LDB3: variants seen among roughly 807,000 people sequenced by gnomAD.
The protein encoded by LDB3 is LIM domain binding 3, also known as LIM domain-binding protein 3.
A neutral mutation model predicts 69.0 loss-of-function variants in LDB3; 49 were observed. The observed-to-expected ratio is 0.71, with a 90% CI of 0.56 to 0.90. The LOEUF is 0.90. Among genes scored for constraint, LDB3 ranks in the 40% least tolerant of loss-of-function variants. The probability of loss-of-function intolerance (pLI) is 0.00; values close to 1 mark genes in which losing one functional copy is unlikely to be tolerated. For missense variants in LDB3, 928 were observed against 974.1 expected (o/e 0.95, Z 0.63); for synonymous variants, 387 against 396.2 (o/e 0.98, Z 0.28).
intron 7 of LDB3, among the ~76,000 whole-genome samples, chr10:86,700,964 G>T (rs12267313): frequency 2.0e-5 from 3 of 152,240 alleles, no homozygotes; most frequent in Non-Finnish European, 1.5e-5. Context: ...GCTAGCCAGA[G>T]CTCTGCGCCC....
chr10:86,718,293 A>G lies in LDB3; in HGVS notation c.1857+149A>G. The stretch of plus-strand genomic sequence containing the variant: ...CTAAAAGGGAATTGGTTTGCCACCA[A>G]TAAACTTGGGGATAAATGAACTTGA... On this transcript the variant is annotated intron_variant, in intron 11 of 13. Coordinates refer to ENST00000361373, the MANE Select transcript of LDB3 (RefSeq NM_007078.3). 9.1e-6 allele frequency: 7 copies of G among 770,348 alleles called. No homozygotes were observed. In the South Asian group the frequency reaches 1.0e-4, roughly 11 times the overall value. 47.7% of individuals were successfully genotyped at this position (770,348 alleles called of 1,614,324 possible). A position where few individuals can be genotyped will look rare whatever the true frequency, so the allele number is the denominator to read the frequency against.
At chr10:86,693,737 A>G (rs1208991853) in intron 7 of LDB3, among the ~76,000 whole-genome samples, 1 of 152,248 alleles carries the variant, frequency 6.6e-6, no homozygotes, top group East Asian at 1.9e-4. Context: ...GTTAAGCTCC[A>G]GCTGCTTTAA....
intron 2 of LDB3, 147 bp from the exon 3 acceptor site, chr10:86,679,220 T>C: frequency 1.1e-6 from 1 of 936,390 alleles, no homozygotes; most frequent in Admixed American, 1.9e-5. Context: ...GGAACTAGGC[T>C]TGGTTAGCAG....
intron 3 of LDB3, among the ~76,000 whole-genome samples, chr10:86,679,762 C>T (rs1244983143): frequency 1.3e-5 from 2 of 152,240 alleles, no homozygotes; most frequent in East Asian, 3.8e-4. Context: ...TGGTGCTGCC[C>T]GTACGTGGGC....
intron 12 of LDB3, among the ~76,000 whole-genome samples, chr10:86,725,553 ATGCT>A (rs1293230371): frequency 6.6e-6 from 1 of 152,192 alleles, no homozygotes; most frequent in Non-Finnish European, 1.5e-5. Flanking sequence ...CCATGTGAAA[ATGCT>A]TGGTAAATTG....
At chr10:86,679,598 T>C (rs1844999308) in intron 3 of LDB3, 80 bp downstream of exon 3, 16 of 1,513,250 alleles carry the variant, frequency 1.1e-5, no homozygotes, top group Non-Finnish European at 1.3e-5. Flanking sequence ...GATTGTCCCA[T>C]AGCAATTGAG....
At chr10:86,687,622 C>G (rs959829257) in intron 5 of LDB3, among the ~76,000 whole-genome samples, 1 of 152,276 alleles carries the variant, frequency 6.6e-6, no homozygotes, top group Non-Finnish European at 1.5e-5. Context: ...AGGCCTCTCA[C>G]AGCGAAGCTG....
rs140181153 is a variant in LDB3 at position 86,731,492 on chromosome 10, G to A, written c.2095-1395G>A. On this transcript the variant is annotated intron_variant, in intron 13 of 13. Transcript: ENST00000361373. ...CCTGCCTCGGCCTTCCAAAATGCTG[G>A]GATTGCAGGCGTGAGCCACCATGCC... 8.3e-3 allele frequency among the ~76,000 whole-genome samples: 1,268 copies of A among 152,092 alleles called. 15 individuals are homozygous for A. Among genetic ancestry groups the A allele is most frequent in the Middle Eastern group, 0.027 (8 of 294 alleles).
intron 8 of LDB3, among the ~76,000 whole-genome samples, chr10:86,709,310 A>T (rs1049544362): frequency 6.6e-6 from 1 of 152,036 alleles, no homozygotes; most frequent in Admixed American, 6.5e-5. Flanking sequence ...AGGTGACCCT[A>T]GGCCCCTTGA....
chr10:86,682,484 A>T (rs1845215751), intron 5 of LDB3, among the ~76,000 whole-genome samples: 1 of 152,070 alleles, frequency 6.6e-6, no homozygotes, highest in Non-Finnish European at 1.5e-5. Flanking sequence ...CAGCAGGTAA[A>T]AGGACATGGG....
intron 10 of LDB3, 120 bp from the exon 11 acceptor site, chr10:86,717,844 C>A: frequency 1.1e-6 from 1 of 896,406 alleles, no homozygotes; most frequent in Non-Finnish European, 1.7e-6. Context: ...ATTACTTCAT[C>A]AGAACAGTCA....
At chr10:86,668,491 G>C, upstream of LDB3, 1 of 660,688 alleles carries the variant, frequency 1.5e-6, no homozygotes, top group Non-Finnish European at 2.8e-6. Context: ...TATCAGTGTC[G>C]ATGGCATTCG....
rs1554872184 is a variant in LDB3, at chr10:86,735,253, A to AAAAAAAAC, written c.*2293_*2300dup. On this transcript the variant is annotated 3_prime_UTR_variant, in exon 14 of 14. Coordinates refer to ENST00000361373, the MANE Select transcript of LDB3 (RefSeq NM_007078.3). ...TTTGCCAAAAAGACAAAACTAGCAA[A>AAAAAAAAC]AAAAAAACAAAAAAACAAAAAAAAA... 1 of 151,426 alleles carries AAAAAAAAC rather than the reference A, an allele frequency of 6.6e-6. No homozygotes were observed. Among genetic ancestry groups the AAAAAAAAC allele is most frequent in the Non-Finnish European group, 1.5e-5 (1 of 67,900 alleles). 9.4% of individuals were successfully genotyped at this position (151,426 alleles called of 1,614,324 possible). A position where few individuals can be genotyped will look rare whatever the true frequency, so the allele number is the denominator to read the frequency against.
At chr10:86,677,208 TG>T (rs1844844287) in intron 2 of LDB3, among the ~76,000 whole-genome samples, 1 of 152,168 alleles carries the variant, frequency 6.6e-6, no homozygotes, top group African/African-American at 2.4e-5. Flanking sequence ...TCATGGGGGT[TG>T]GGGACCTCCA....
At chr10:86,682,913 A>G (rs942026536) in intron 5 of LDB3, among the ~76,000 whole-genome samples, 4 of 152,066 alleles carry the variant, frequency 2.6e-5, no homozygotes, top group African/African-American at 9.7e-5. Context: ...CCATCAGGTC[A>G]CTGCTCCCTG....
chr10:86,677,428 T>A (rs180875082), intron 2 of LDB3, among the ~76,000 whole-genome samples: 1 of 152,306 alleles, frequency 6.6e-6, no homozygotes, highest in East Asian at 1.9e-4. Context: ...TTGCATCTCA[T>A]GTGATATTAC....
At chr10:86,719,961 C>T (rs1241562775) in intron 12 of LDB3, among the ~76,000 whole-genome samples, 12 of 152,018 alleles carry the variant, frequency 7.9e-5, no homozygotes, top group Non-Finnish European at 1.2e-4. Context: ...AAATCAGAGG[C>T]GGGAAAAGCA....
chr10:86,731,835 A>T (rs563140323), intron 13 of LDB3, among the ~76,000 whole-genome samples: 1 of 143,118 alleles, frequency 7.0e-6, no homozygotes, highest in East Asian at 2.7e-4. Context: ...TTTTTGATTG[A>T]ATACTTTTTT....
intron 9 of LDB3, among the ~76,000 whole-genome samples, chr10:86,714,781 T>G (rs1043598461): frequency 1.2e-4 from 19 of 152,220 alleles, no homozygotes; most frequent in Admixed American, 1.1e-3. Context: ...ATGGTCTCGA[T>G]CTCCTGACCT....
Sources: allele counts gnomAD v4.1 joint callset (sites outside exome capture counted in the v4.1 genomes callset), GRCh38; gene constraint gnomAD v4.1.1; transcripts MANE v1.5; gene names NCBI Gene and HGNC (gene_info 2026-07-23, HGNC 2026-07-21).